GALK2: variants seen among roughly 807,000 people sequenced by gnomAD.
GALK2 encodes N-acetylgalactosamine kinase.
Under a neutral mutation model 52.4 loss-of-function variants are expected in GALK2, and 36 were observed. The observed-to-expected ratio is 0.69, with a 90% CI of 0.53 to 0.91. The LOEUF (loss-of-function observed/expected upper bound fraction) is 0.91. Among genes scored for constraint, GALK2 ranks in the 40% least tolerant of loss-of-function variants. The probability of loss-of-function intolerance (pLI) is 0.00; values close to 1 mark genes in which losing one functional copy is unlikely to be tolerated. For synonymous variants in GALK2, 176 were observed against 199.1 expected, an observed-to-expected ratio of 0.88 and a Z score of 0.98; for missense variants, 579 against 559.1, an observed-to-expected ratio of 1.04 and a Z score of -0.36.
chr15:49,356,943 C>T (rs1286522372), intron 3 of GALK2, among the ~76,000 whole-genome samples: 1 of 149,458 alleles, frequency 6.7e-6, no homozygotes, highest in Non-Finnish European at 1.5e-5. Flanking sequence ...CTCAAAACCG[C>T]TCCACTACAT....
intron 2 of GALK2, among the ~76,000 whole-genome samples, chr15:49,205,968 G>A (rs554814613): frequency 1.1e-4 from 16 of 152,158 alleles, no homozygotes; most frequent in South Asian, 8.3e-4. Flanking sequence ...AGTTATCCCC[G>A]CACAATTTGT....
At chr15:49,243,560 T>G (rs1000221810) in intron 5 of GALK2, among the ~76,000 whole-genome samples, 1 of 152,100 alleles carries the variant, frequency 6.6e-6, no homozygotes. Context: ...TGACTCACTC[T>G]TAAATATGAT....
At chr15:49,292,191 T>C in intron 7 of GALK2, 136 bp from the exon 8 acceptor site, 2 of 704,260 alleles carry the variant, frequency 2.8e-6, no homozygotes. Flanking sequence ...TTCCAAGTAA[T>C]GGTGGGAAAG....
At chr15:49,207,888 G>A (rs752141528) in intron 2 of GALK2, among the ~76,000 whole-genome samples, 30 of 152,070 alleles carry the variant, frequency 2.0e-4, no homozygotes, top group Non-Finnish European at 2.8e-4. Flanking sequence ...AGCTTCTCCT[G>A]CCTCAGCCTG....
chr15:49,161,555 A>C (rs576115894), intron 1 of GALK2, among the ~76,000 whole-genome samples: 1 of 152,254 alleles, frequency 6.6e-6, no homozygotes, highest in South Asian at 2.1e-4. Context: ...TTGTAATTTT[A>C]ACAGAGTGTA....
intron 9 of GALK2, chr15:49,327,563 G>A (rs1354508575): frequency 6.3e-6 from 1 of 158,290 alleles, no homozygotes; most frequent in Non-Finnish European, 1.4e-5. Flanking sequence ...TTCTGATTCA[G>A]GGTTGCCTAC....
chr15:49,190,558 C>T (rs554493098), intron 1 of GALK2, among the ~76,000 whole-genome samples: 1 of 152,300 alleles, frequency 6.6e-6, no homozygotes, highest in African/African-American at 2.4e-5. Context: ...GACAAAAGCA[C>T]AACAAATTTA....
chr15:49,254,906 A>G (rs1304404444), intron 5 of GALK2, among the ~76,000 whole-genome samples: 1 of 144,382 alleles, frequency 6.9e-6, no homozygotes, highest in East Asian at 1.9e-4. Flanking sequence ...TTTCAAAAGG[A>G]TAGAAGAGGC....
rs1274257324 is a variant in GALK2 at position 49,330,300 on chromosome 15, C to T, written c.*2141C>T. On this transcript the variant is annotated 3_prime_UTR_variant, in exon 10 of 10. Transcript: ENST00000560031. ...GGAGCTAGCTTTTGAAGAGTCAAAT[C>T]CAGGCAGCATTTAGATCAGGGGTTA... 2 of 152,182 alleles carry T rather than the reference C, an allele frequency of 1.3e-5. No homozygotes were observed. The highest frequency in any genetic ancestry group is 2.9e-5 in the Non-Finnish European group (2 of 68,040). The allele number at this position is 152,182 out of a possible 1,614,324, so 9.4% of individuals were successfully genotyped here. A position where few individuals can be genotyped will look rare whatever the true frequency, so the allele number is the denominator to read the frequency against.
At chr15:49,234,002 A>G (rs549016693) in intron 3 of GALK2, among the ~76,000 whole-genome samples, 2 of 152,278 alleles carry the variant, frequency 1.3e-5, no homozygotes, top group Admixed American at 1.3e-4. Flanking sequence ...CACTTAATAT[A>G]TTTTAAAAGA....
rs2141905181 is a variant in GALK2, at chr15:49,309,900, T to A, written c.968-9704T>A. On this transcript the variant is annotated intron_variant, in intron 8 of 9. Transcript: ENST00000560031. Reference sequence around the variant, plus strand: ...GGATTACAGGCATGAGCCACTGTGCTGGACCTCTTCTAGTTTTTTTGAACA... The same window carrying A: ...GGATTACAGGCATGAGCCACTGTGCAGGACCTCTTCTAGTTTTTTTGAACA... Among the ~76,000 whole-genome samples the A allele has an allele frequency of 1.3e-5, 2 of 152,282 alleles. 1 individual carries two copies. Among genetic ancestry groups the A allele is most frequent in the South Asian group, 4.1e-4 (2 of 4,824 alleles).
In GALK2 at chr15:49,330,391, A is replaced by G. The variant is rs1380138719; in HGVS notation, c.*2232A>G. ...ATATAGTTTGGCCCACAGAATGACT[A>G]AAAACTTGGGCTCCAAATCAGGAGA... On this transcript the variant is annotated 3_prime_UTR_variant, in exon 10 of 10. Transcript: ENST00000560031. 6.6e-6 allele frequency: 1 copy of G among 152,218 alleles called. No individual in the cohort carries two copies. Among genetic ancestry groups the G allele is most frequent in the African/African-American group, 2.4e-5 (1 of 41,452 alleles). The allele number at this position is 152,218 out of a possible 1,614,324, so 9.4% of individuals were successfully genotyped here. A position where few individuals can be genotyped will look rare whatever the true frequency, so the allele number is the denominator to read the frequency against.
chr15:49,267,022 G>A (rs2092385089), intron 5 of GALK2, among the ~76,000 whole-genome samples: 1 of 152,186 alleles, frequency 6.6e-6, no homozygotes, highest in South Asian at 2.1e-4. Flanking sequence ...GTATGGAAGG[G>A]AGGTACTTGA....
chr15:49,285,297 C>A (rs1478160394), intron 7 of GALK2, among the ~76,000 whole-genome samples: 1 of 152,274 alleles, frequency 6.6e-6, no homozygotes, highest in Middle Eastern at 3.4e-3. Flanking sequence ...TACTTCACTT[C>A]CTGTTTTTTC....
At chr15:49,220,009 C>T (rs1469650758) in intron 3 of GALK2, among the ~76,000 whole-genome samples, 2 of 148,546 alleles carry the variant, frequency 1.3e-5, no homozygotes, top group Admixed American at 6.7e-5. Flanking sequence ...TTTGTTGAAG[C>T]GTCTTCTCAA....
downstream of GALK2, among the ~76,000 whole-genome samples, chr15:49,332,061 C>T (rs1730497389): frequency 6.7e-6 from 1 of 149,962 alleles, no homozygotes; most frequent in Non-Finnish European, 1.5e-5. Flanking sequence ...GTTCAGACAC[C>T]CACCCCCGCT....
chr15:49,199,873 A>G (rs2087585837), intron 1 of GALK2, among the ~76,000 whole-genome samples: 2 of 152,340 alleles, frequency 1.3e-5, no homozygotes, highest in South Asian at 2.1e-4. Context: ...TGAGGCAGGA[A>G]GAGAGCCAAA....
At chr15:49,191,862 GTT>G (rs76137031) in intron 1 of GALK2, among the ~76,000 whole-genome samples, 2,596 of 151,282 alleles carry the variant, frequency 0.017, 98 homozygotes, top group African/African-American at 0.06. Context: ...GATTTTCTGT[GTT>G]TTTTTTTTCC....
At chr15:49,287,796 T>G (rs541028228) in intron 7 of GALK2, among the ~76,000 whole-genome samples, 1 of 152,350 alleles carries the variant, frequency 6.6e-6, no homozygotes, top group South Asian at 2.1e-4. Context: ...TTCTTCCTAT[T>G]TTTCTCAGAT....
Sources: allele counts gnomAD v4.1 joint callset (sites outside exome capture counted in the v4.1 genomes callset), GRCh38; gene constraint gnomAD v4.1.1; transcripts MANE v1.5; gene names NCBI Gene and HGNC (gene_info 2026-07-23, HGNC 2026-07-21).